Variants in PDSS2 observed in about 807,000 individuals in gnomAD.
PDSS2 encodes the protein decaprenyl diphosphate synthase subunit 2.
In PDSS2, 31 loss-of-function variants were observed where a neutral mutation model predicts 44.5. The ratio of observed to expected loss-of-function variants is 0.70; its 90% CI spans 0.52 to 0.94. The LOEUF (loss-of-function observed/expected upper bound fraction) is 0.94. Ranked by LOEUF, PDSS2 falls within the 40% of genes least tolerant of loss-of-function variation. The pLI is 0.00. For missense variants in PDSS2, 452 were observed against 482.2 expected, an observed-to-expected ratio of 0.94 and a Z score of 0.59; for synonymous variants, 157 against 180.3, an observed-to-expected ratio of 0.87 and a Z score of 1.03.
chr6:107,179,434 T>C (rs1354265037), intron 7 of PDSS2, among the ~76,000 whole-genome samples: 1 of 152,046 alleles, frequency 6.6e-6, no homozygotes, highest in Non-Finnish European at 1.5e-5. Flanking sequence ...GTGCCCGCCA[T>C]TACGCCTAGC....
chr6:107,403,417 T>C (rs1780209493), intron 1 of PDSS2, among the ~76,000 whole-genome samples: 1 of 152,150 alleles, frequency 6.6e-6, no homozygotes, highest in Non-Finnish European at 1.5e-5. Context: ...AGGCACATGG[T>C]TCAAGTTGTC....
chr6:107,406,295 T>C (rs1305357606), intron 1 of PDSS2, among the ~76,000 whole-genome samples: 2 of 152,242 alleles, frequency 1.3e-5, no homozygotes, highest in East Asian at 3.8e-4. Flanking sequence ...TATTTAACTT[T>C]TTTAGATGAT....
At chr6:107,288,462 G>A (rs745452814) in intron 2 of PDSS2, among the ~76,000 whole-genome samples, 2 of 152,174 alleles carry the variant, frequency 1.3e-5, no homozygotes, top group African/African-American at 4.8e-5. Context: ...CAATGAGAAG[G>A]AAGAAAAGAG....
At chr6:107,390,674 T>C (rs1307583307) in intron 1 of PDSS2, among the ~76,000 whole-genome samples, 3 of 152,142 alleles carry the variant, frequency 2.0e-5, no homozygotes, top group Non-Finnish European at 4.4e-5. Context: ...CAGATGTTAA[T>C]AGAGGAAACT....
rs145905070 is a variant in PDSS2 at position 107,356,308 on chromosome 6, G to A, written c.297-21976C>T. ...GCTTTCTGGGTTTCCAGTGTACTTAGACATTCTGAAGAACGGACTGAAATA... is the reference window on the plus strand; with the variant it reads ...GCTTTCTGGGTTTCCAGTGTACTTAAACATTCTGAAGAACGGACTGAAATA... On this transcript the variant is annotated intron_variant, in intron 1 of 7. Coordinates refer to ENST00000369037, the MANE Select transcript of PDSS2 (RefSeq NM_020381.4). Among the ~76,000 whole-genome samples the A allele has an allele frequency of 1.3e-4, 20 of 152,254 alleles. No homozygotes were observed. The East Asian group carries it at 2.1e-3, about 16-fold the overall frequency.
chr6:107,162,533 AT>A (rs112487087), intron 7 of PDSS2, among the ~76,000 whole-genome samples: 9,424 of 134,232 alleles, frequency 0.07, 1,362 homozygotes, highest in African/African-American at 0.27. Context: ...AGCATTCCCT[AT>A]TTATTTTTTG....
At chr6:107,226,556 A>G (rs1390644244) in intron 4 of PDSS2, among the ~76,000 whole-genome samples, 1 of 152,030 alleles carries the variant, frequency 6.6e-6, no homozygotes, top group Non-Finnish European at 1.5e-5. Flanking sequence ...TGGATCAGCT[A>G]TTAGGGCTGA....
At chr6:107,359,882 C>T (rs1250323206) in intron 1 of PDSS2, among the ~76,000 whole-genome samples, 1 of 152,088 alleles carries the variant, frequency 6.6e-6, no homozygotes, top group African/African-American at 2.4e-5. Context: ...AGAAATTGCT[C>T]TCCCTCTTGC....
At chr6:107,290,064 G>A (rs1393605648) in intron 2 of PDSS2, among the ~76,000 whole-genome samples, 1 of 152,152 alleles carries the variant, frequency 6.6e-6, no homozygotes, top group Non-Finnish European at 1.5e-5. Context: ...CACCATGCCT[G>A]GTCCTATTTT....
intron 1 of PDSS2, among the ~76,000 whole-genome samples, chr6:107,429,903 T>A (rs55896081): frequency 0.21 from 3,137 of 15,100 alleles, 501 homozygotes; most frequent in East Asian, 0.25. Context: ...AAAAAAAAAA[T>A]ATATATATAT....
At chr6:107,233,116 C>G (rs1406889659) in intron 4 of PDSS2, among the ~76,000 whole-genome samples, 1 of 152,184 alleles carries the variant, frequency 6.6e-6, no homozygotes, top group Non-Finnish European at 1.5e-5. Context: ...TGCGCTGGGT[C>G]CAATAGTTTC....
chr6:107,191,703 C>A lies in PDSS2; in HGVS notation c.1041+2119G>T, dbSNP rs1582762554. Among the ~76,000 whole-genome samples the A allele has an allele frequency of 2.0e-5, 3 of 152,272 alleles. No individual in the cohort carries two copies. In the South Asian group the frequency reaches 6.2e-4, roughly 32 times the overall value. On this transcript the variant is annotated intron_variant, in intron 7 of 7. Coordinates refer to ENST00000369037, the MANE Select transcript of PDSS2 (RefSeq NM_020381.4). ...CTCAGCTCACTGAAACCTCTGCTCC[C>A]AGGCTTAAGCAATCCTCCCATCTCA...
intron 1 of PDSS2, among the ~76,000 whole-genome samples, chr6:107,374,144 C>T (rs1033676395): frequency 8.6e-5 from 13 of 151,392 alleles, no homozygotes; most frequent in Admixed American, 2.0e-4. Flanking sequence ...ATCCCAGCTG[C>T]TCAGGAGGCT....
chr6:107,291,008 T>TAA (rs201486844), intron 2 of PDSS2, among the ~76,000 whole-genome samples: 1 of 143,190 alleles, frequency 7.0e-6, no homozygotes, highest in African/African-American at 2.5e-5. Flanking sequence ...CTCAAACCGT[T>TAA]AAAAAAAAAA....
intron 1 of PDSS2, among the ~76,000 whole-genome samples, chr6:107,377,557 A>C (rs1779322436): frequency 6.6e-6 from 1 of 152,188 alleles, no homozygotes; most frequent in Non-Finnish European, 1.5e-5. Flanking sequence ...AAGGACTATA[A>C]ATCATGCTGC....
intron 4 of PDSS2, among the ~76,000 whole-genome samples, chr6:107,221,852 C>T (rs752892351): frequency 2.0e-5 from 3 of 152,056 alleles, no homozygotes; most frequent in Non-Finnish European, 4.4e-5. Flanking sequence ...CTAATTGGCC[C>T]GGAAAGGTGT....
chr6:107,284,419 G>A (rs976485842), intron 2 of PDSS2, among the ~76,000 whole-genome samples: 1 of 152,022 alleles, frequency 6.6e-6, no homozygotes, highest in African/African-American at 2.4e-5. Context: ...CCAGCACTTC[G>A]GGAGGCCAAC....
intron 1 of PDSS2, among the ~76,000 whole-genome samples, chr6:107,384,348 C>G (rs1194112311): frequency 6.6e-6 from 1 of 152,054 alleles, no homozygotes; most frequent in African/African-American, 2.4e-5. Context: ...TACACTAAAA[C>G]CCACTAAACT....
intron 3 of PDSS2, among the ~76,000 whole-genome samples, chr6:107,258,967 T>G (rs1436688356): frequency 6.6e-6 from 1 of 152,242 alleles, no homozygotes; most frequent in African/African-American, 2.4e-5. Context: ...GTCAGTTTTC[T>G]ACTTTAGTAA....
Sources: gnomAD v4.1 joint callset for allele counts (sites outside exome capture counted in the v4.1 genomes callset) on GRCh38, gnomAD v4.1.1 for gene constraint, MANE v1.5 for transcripts, NCBI Gene and HGNC (gene_info 2026-07-23, HGNC 2026-07-21) for gene names.